The following GSK3B variants were observed in gnomAD, a reference collection of about 807,000 sequenced individuals.
GSK3B encodes the protein glycogen synthase kinase 3 beta, also known as glycogen synthase kinase-3 beta.
In GSK3B, 15 loss-of-function variants were observed where a neutral mutation model predicts 56.4. That is an observed-to-expected ratio of 0.27 (90% confidence interval 0.18 to 0.41). The LOEUF (loss-of-function observed/expected upper bound fraction) is 0.41, where lower values mean the gene tolerates loss of function less well. GSK3B is among the 10% of genes least tolerant of loss of function. The probability of loss-of-function intolerance (pLI) is 1.00; values close to 1 mark genes in which losing one functional copy is unlikely to be tolerated. For synonymous variants in GSK3B, 181 were observed against 188.9 expected (o/e 0.96, Z 0.34); for missense variants, 300 against 513.4 (o/e 0.58, Z 4.02).
chr3:120,093,212 T>C (rs1039408177), intron 1 of GSK3B, 135 bp downstream of exon 1: 26 of 611,710 alleles, frequency 4.3e-5, no homozygotes, highest in Non-Finnish European at 7.2e-5. Context: ...TGCTTCATCC[T>C]TGACTGAAGA....
chr3:119,826,828 G>A lies in GSK3B; in HGVS notation c.1223C>T (p.Thr408Ile), dbSNP rs1384008314. 3 of 1,612,386 alleles carry A rather than the reference G, an allele frequency of 1.9e-6. No individual in the cohort carries two copies. The highest frequency in any genetic ancestry group is 2.5e-6 in the Non-Finnish European group (3 of 1,178,394). ...SDANTGDRGQ[T>I]NNAASASASN... ...AGCTGATGCAGAAGCAGCATTATTG[G>A]TCTGTCCACGGTCTCCAGTATTAGC... Residue 408 changes from threonine (T) to isoleucine (I), a missense_variant, in exon 11 of 11, where the codon ACC becomes ATC. Transcript: ENST00000264235.
At chr3:119,886,043 G>A (rs1352278772) in intron 7 of GSK3B, among the ~76,000 whole-genome samples, 2 of 151,440 alleles carry the variant, frequency 1.3e-5, no homozygotes, top group Non-Finnish European at 3.0e-5. Context: ...ATAAAAATTG[G>A]TGAGAACTAA....
chr3:119,941,261 C>A (rs1476496122), intron 3 of GSK3B, among the ~76,000 whole-genome samples: 1 of 152,164 alleles, frequency 6.6e-6, no homozygotes, highest in Non-Finnish European at 1.5e-5. Context: ...AGGAGATTCA[C>A]CCGCCTCGGC....
At chr3:119,838,976 A>G (rs2108007290) in intron 10 of GSK3B, among the ~76,000 whole-genome samples, 1 of 152,360 alleles carries the variant, frequency 6.6e-6, no homozygotes, top group East Asian at 1.9e-4. Context: ...CATCTGCAAA[A>G]GCAGTTCCCT....
At chr3:119,917,836 C>T (rs1377067991) in intron 4 of GSK3B, among the ~76,000 whole-genome samples, 1 of 151,880 alleles carries the variant, frequency 6.6e-6, no homozygotes, top group Non-Finnish European at 1.5e-5. Context: ...GTTGTTATTT[C>T]ACTTTGTAAA....
chr3:119,894,730 GT>G (rs1324499979), intron 7 of GSK3B, among the ~76,000 whole-genome samples: 1 of 152,000 alleles, frequency 6.6e-6, no homozygotes, highest in Non-Finnish European at 1.5e-5. Context: ...TAAAGCACAA[GT>G]TTTTAAATTT....
At position 120,094,349 on chromosome 3, in the gene GSK3B, C is replaced by T. The variant is rs942525459; in HGVS notation, c.-915G>A. 7 of 292,456 alleles carry T rather than the reference C, an allele frequency of 2.4e-5. No homozygotes were observed. In the East Asian group the frequency reaches 4.0e-4, roughly 17 times the overall value. The allele number at this position is 292,456 out of a possible 1,614,324, so 18.1% of individuals were successfully genotyped here. A position where few individuals can be genotyped will look rare whatever the true frequency, so the allele number is the denominator to read the frequency against. ...CTGTCAGCGGCTGCGGGGCCGGCTC[C>T]TCCTCGCTTCCTTCCTTCCTTTGTC... On this transcript the variant is annotated 5_prime_UTR_variant, in exon 1 of 11. Coordinates refer to ENST00000264235, the MANE Select transcript of GSK3B (RefSeq NM_001146156.2).
chr3:119,917,159 A>G (rs2056789252), intron 4 of GSK3B, among the ~76,000 whole-genome samples: 1 of 152,202 alleles, frequency 6.6e-6, no homozygotes, highest in Non-Finnish European at 1.5e-5. Flanking sequence ...AAGATACTTA[A>G]AAGTCTAATG....
At chr3:120,014,132 C>CAA (rs886541816) in intron 1 of GSK3B, among the ~76,000 whole-genome samples, 6,556 of 77,358 alleles carry the variant, frequency 0.085, 559 homozygotes, top group African/African-American at 0.27. Flanking sequence ...GAGACTCTGT[C>CAA]AAAAAAAAAA....
At chr3:119,832,948 T>C in intron 10 of GSK3B, 1 of 978,334 alleles carries the variant, frequency 1.0e-6, no homozygotes, top group Non-Finnish European at 1.2e-6. Context: ...CTACAGCATT[T>C]TTTGTTTTGT....
At chr3:119,988,806 C>G (rs2057538548) in intron 2 of GSK3B, among the ~76,000 whole-genome samples, 1 of 152,116 alleles carries the variant, frequency 6.6e-6, no homozygotes, top group Non-Finnish European at 1.5e-5. Context: ...TTTAAAAGGC[C>G]TATGTAACAA....
At chr3:119,855,860 G>A (rs1352619287) in intron 9 of GSK3B, among the ~76,000 whole-genome samples, 1 of 152,152 alleles carries the variant, frequency 6.6e-6, no homozygotes, top group African/African-American at 2.4e-5. Context: ...GGTAGCAGTA[G>A]GAGAAATACC....
intron 1 of GSK3B, among the ~76,000 whole-genome samples, chr3:120,075,885 T>C (rs1013271369): frequency 1.3e-5 from 2 of 151,934 alleles, no homozygotes; most frequent in Admixed American, 6.6e-5. Context: ...AATCCTAAAA[T>C]TCACATGGAA....
At chr3:119,835,557 T>C (rs909534855) in intron 10 of GSK3B, among the ~76,000 whole-genome samples, 7 of 152,178 alleles carry the variant, frequency 4.6e-5, no homozygotes, top group Admixed American at 2.6e-4. Context: ...CATTCATATA[T>C]AGACTAAAAC....
chr3:120,074,805 G>C (rs1018520362), intron 1 of GSK3B, among the ~76,000 whole-genome samples: 1 of 152,166 alleles, frequency 6.6e-6, no homozygotes, highest in African/African-American at 2.4e-5. Context: ...GTCAGGACCA[G>C]ACAGCTTCAC....
At chr3:119,928,601 T>G (rs1576206451) in intron 3 of GSK3B, among the ~76,000 whole-genome samples, 1 of 51,986 alleles carries the variant, frequency 1.9e-5, no homozygotes, top group African/African-American at 8.4e-5. Flanking sequence ...CGAGACTCCA[T>G]ATCAAAAAAA....
intron 1 of GSK3B, among the ~76,000 whole-genome samples, chr3:120,077,937 T>G (rs1013331539): frequency 6.8e-6 from 1 of 147,246 alleles, no homozygotes; most frequent in African/African-American, 2.7e-5. Context: ...AAAAATATAT[T>G]TTTTTTAACC....
At chr3:119,958,764 A>C (rs575364410) in intron 2 of GSK3B, among the ~76,000 whole-genome samples, 2 of 151,206 alleles carry the variant, frequency 1.3e-5, no homozygotes, top group Non-Finnish European at 2.9e-5. Flanking sequence ...AAAGATTTTT[A>C]ATGAAAAGAG....
In GSK3B at chr3:119,824,193, G is replaced by A. The variant is rs1457136481; in HGVS notation, c.*2595C>T. ...TAAAAACACAGAAAGAAAATATAAT[G>A]TACAAGCTTGAATTTGGTGAGGAGC... On this transcript the variant is annotated 3_prime_UTR_variant, in exon 11 of 11. Coordinates refer to ENST00000264235, the MANE Select transcript of GSK3B (RefSeq NM_001146156.2). 2 of 206,566 alleles carry A rather than the reference G, an allele frequency of 9.7e-6. No individual in the cohort carries two copies. The highest frequency in any genetic ancestry group is 4.6e-5 in the African/African-American group (2 of 43,824). 12.8% of individuals were successfully genotyped at this position (206,566 alleles called of 1,614,324 possible). A position where few individuals can be genotyped will look rare whatever the true frequency, so the allele number is the denominator to read the frequency against.
Sources: allele counts gnomAD v4.1 joint callset (sites outside exome capture counted in the v4.1 genomes callset), GRCh38; gene constraint gnomAD v4.1.1; transcripts MANE v1.5; gene names NCBI Gene and HGNC (gene_info 2026-07-23, HGNC 2026-07-21).